Variants in XKR9 observed in about 807,000 individuals in gnomAD.
The protein encoded by XKR9 is XK related 9.
Under a neutral mutation model 32.0 loss-of-function variants are expected in XKR9, and 32 were observed. The ratio of observed to expected loss-of-function variants is 1.00; its 90% CI spans 0.76 to 1.34. The LOEUF (loss-of-function observed/expected upper bound fraction) is 1.34. XKR9 is among the 40% of genes most tolerant of loss of function. XKR9 has a pLI of 0.00. For synonymous variants in XKR9, 168 were observed against 143.4 expected (o/e 1.17, Z -1.22); for missense variants, 546 against 429.7 (o/e 1.27, Z -2.39).
the XKR9 span, among the ~76,000 whole-genome samples, chr8:70,886,249 C>T: frequency 1.3e-5 from 2 of 152,178 alleles, no homozygotes; most frequent in African/African-American, 4.8e-5. Flanking sequence ...CATAGTATTT[C>T]ATGGTGTATA....
the XKR9 span, among the ~76,000 whole-genome samples, chr8:70,861,388 C>G: frequency 4.0e-5 from 6 of 151,890 alleles, no homozygotes; most frequent in Admixed American, 6.6e-5. Flanking sequence ...TGGTGGCTCA[C>G]GCTTGTAATC....
At chr8:70,743,461 A>G (rs759409993) in intron 2 of XKR9, among the ~76,000 whole-genome samples, 8 of 152,034 alleles carry the variant, frequency 5.3e-5, no homozygotes, top group Non-Finnish European at 8.8e-5. Flanking sequence ...CTAATTTTGA[A>G]TTGTTTCCTG....
At chr8:71,005,468 C>T in the XKR9 span, among the ~76,000 whole-genome samples, 2 of 152,004 alleles carry the variant, frequency 1.3e-5, no homozygotes, top group Non-Finnish European at 1.5e-5. Flanking sequence ...AGGTGATTCA[C>T]CTGCCTCAGC....
chr8:70,695,752 C>T (rs1272613112), intron 3 of XKR9, among the ~76,000 whole-genome samples: 1 of 150,094 alleles, frequency 6.7e-6, no homozygotes. Context: ...GGAATTGCCA[C>T]ACTGACTTCC....
the XKR9 span, among the ~76,000 whole-genome samples, chr8:70,933,158 C>G: frequency 1.3e-5 from 2 of 152,018 alleles, no homozygotes; most frequent in Admixed American, 6.6e-5. Flanking sequence ...AGGGGCTCCT[C>G]TATTATTGAA....
chr8:70,932,756 T>C, the XKR9 span, among the ~76,000 whole-genome samples: 13 of 152,254 alleles, frequency 8.5e-5, no homozygotes, highest in Admixed American at 7.9e-4. Context: ...GTCCTCTTTT[T>C]GTAAGGACAT....
At chr8:70,918,227 C>G in the XKR9 span, among the ~76,000 whole-genome samples, 1 of 152,126 alleles carries the variant, frequency 6.6e-6, no homozygotes, top group Non-Finnish European at 1.5e-5. Context: ...GGTTTGAAGA[C>G]AGAAGACAAA....
At chr8:71,061,638 CAGAG>C in the XKR9 span, among the ~76,000 whole-genome samples, 1 of 152,020 alleles carries the variant, frequency 6.6e-6, no homozygotes, top group African/African-American at 2.4e-5. Context: ...ATTAGACAGA[CAGAG>C]AGAGAAAGAG....
chr8:71,045,259 C>T, the XKR9 span, among the ~76,000 whole-genome samples: 16 of 152,168 alleles, frequency 1.1e-4, no homozygotes, highest in Non-Finnish European at 1.5e-5. Flanking sequence ...AACATATCCG[C>T]AAAGCTTGTC....
chr8:70,701,554 A>G (rs571859570), intron 3 of XKR9, among the ~76,000 whole-genome samples: 31 of 152,136 alleles, frequency 2.0e-4, no homozygotes, highest in Non-Finnish European at 3.4e-4. Flanking sequence ...TTTTTAGTTC[A>G]GGAAGTGGCA....
the XKR9 span, among the ~76,000 whole-genome samples, chr8:70,924,801 T>C: frequency 6.6e-6 from 1 of 152,242 alleles, no homozygotes. Flanking sequence ...AAAAGTTACA[T>C]TTCTGCAAAC....
chr8:70,765,956 A>G (rs1014365751), intron 2 of XKR9, among the ~76,000 whole-genome samples: 3 of 151,908 alleles, frequency 2.0e-5, no homozygotes, highest in South Asian at 2.1e-4. Context: ...GTTCTCTTCC[A>G]TTGTTCTATA....
the XKR9 span, among the ~76,000 whole-genome samples, chr8:70,896,515 G>A: frequency 6.6e-6 from 1 of 151,022 alleles, no homozygotes; most frequent in African/African-American, 2.4e-5. Context: ...ATGTATATGG[G>A]GACTCATTCT....
chr8:70,908,253 G>C, the XKR9 span, among the ~76,000 whole-genome samples: 2 of 152,150 alleles, frequency 1.3e-5, no homozygotes, highest in Non-Finnish European at 2.9e-5. Context: ...GAGGTACTGA[G>C]TATACAGAAA....
chr8:70,788,177 C>T (rs1458733310), intron 2 of XKR9, among the ~76,000 whole-genome samples: 7 of 152,046 alleles, frequency 4.6e-5, no homozygotes, highest in Non-Finnish European at 1.0e-4. Flanking sequence ...GCACAGTTTC[C>T]TGTGGTAAAT....
the XKR9 span, among the ~76,000 whole-genome samples, chr8:70,842,251 A>C: frequency 6.6e-6 from 1 of 152,112 alleles, no homozygotes; most frequent in Non-Finnish European, 1.5e-5. Flanking sequence ...CATAAGATGC[A>C]CCTTTATGCT....
chr8:70,976,828 G>T, the XKR9 span, among the ~76,000 whole-genome samples: 3 of 152,162 alleles, frequency 2.0e-5, no homozygotes, highest in African/African-American at 7.2e-5. Context: ...GTAGAATTTG[G>T]CTGTGAATCT....
At chr8:70,880,755 G>A in the XKR9 span, among the ~76,000 whole-genome samples, 1 of 152,028 alleles carries the variant, frequency 6.6e-6, no homozygotes, top group Non-Finnish European at 1.5e-5. Flanking sequence ...TTTCTTCACA[G>A]GATTGGAAAA....
chr8:71,011,633 T>C, the XKR9 span, among the ~76,000 whole-genome samples: 2 of 152,232 alleles, frequency 1.3e-5, no homozygotes, highest in African/African-American at 4.8e-5. Flanking sequence ...ATTGTGTCTA[T>C]TATAAGAAAG....
Sources: gnomAD v4.1 joint callset for allele counts (sites outside exome capture counted in the v4.1 genomes callset) on GRCh38, gnomAD v4.1.1 for gene constraint, MANE v1.5 for transcripts, NCBI Gene and HGNC (gene_info 2026-07-23, HGNC 2026-07-21) for gene names.